WRN: variants seen among roughly 807,000 people sequenced by gnomAD.
WRN encodes WRN RecQ like helicase, also known as bifunctional 3'-5' exonuclease/ATP-dependent helicase WRN.
A neutral mutation model predicts 180.7 loss-of-function variants in WRN; 149 were observed. The ratio of observed to expected loss-of-function variants is 0.82; its 90% CI spans 0.72 to 0.94. The LOEUF (loss-of-function observed/expected upper bound fraction) is 0.94, where lower values mean the gene tolerates loss of function less well. WRN is among the 40% of genes least tolerant of loss of function. The pLI is 0.00. For synonymous variants in WRN, 548 were observed against 568.9 expected, an observed-to-expected ratio of 0.96 and a Z score of 0.52; for missense variants, 1,661 against 1,700.1, an observed-to-expected ratio of 0.98 and a Z score of 0.40.
rs1294330558 is a variant in WRN at position 31,081,281 on chromosome 8, T to C, written c.1254T>C (p.Ala418=). 7 of 1,613,492 alleles carry C rather than the reference T, an allele frequency of 4.3e-6. No individual in the cohort carries two copies. The highest frequency in any genetic ancestry group is 5.1e-6 in the Non-Finnish European group (6 of 1,179,598). Residue 418 remains alanine, a synonymous_variant, in exon 9 of 35, where the codon GCT becomes GCC. Transcript: ENST00000298139. ...QSQEEYLSDI[A]YKSTEHLSPN... The stretch of plus-strand genomic sequence containing the variant: ...AGGAAGAATATCTTAGTGATATTGC[T>C]TATAAATCTACTGAGGTACTAAATA...
At chr8:31,045,127 A>G (rs986595385) in intron 1 of WRN, among the ~76,000 whole-genome samples, 24 of 152,164 alleles carry the variant, frequency 1.6e-4, no homozygotes, top group African/African-American at 5.1e-4. Flanking sequence ...GTTTTTTCTC[A>G]AAGATAAGAA....
At chr8:31,156,065 G>C (rs1447150961) in intron 32 of WRN, among the ~76,000 whole-genome samples, 1 of 152,140 alleles carries the variant, frequency 6.6e-6, no homozygotes, top group African/African-American at 2.4e-5. Context: ...GGAATTTTAA[G>C]TTCAGTTTCT....
intron 24 of WRN, among the ~76,000 whole-genome samples, chr8:31,134,933 A>G (rs969539038): frequency 6.6e-6 from 1 of 152,162 alleles, no homozygotes; most frequent in East Asian, 1.9e-4. Context: ...ATAGTTCACA[A>G]TGACTTTCTG....
intron 1 of WRN, among the ~76,000 whole-genome samples, chr8:31,047,644 C>T (rs764724650): frequency 6.6e-6 from 1 of 152,142 alleles, no homozygotes; most frequent in Non-Finnish European, 1.5e-5. Context: ...CATCCACTTA[C>T]TGATGAATCC....
chr8:31,081,437 G>C (rs1186848019), intron 9 of WRN, 141 bp downstream of exon 9: 2 of 872,656 alleles, frequency 2.3e-6, no homozygotes, highest in East Asian at 5.3e-5. Context: ...TGTTATTGTA[G>C]TGTGAAAGCA....
chr8:31,053,038 A>G (rs1468332632), intron 1 of WRN, among the ~76,000 whole-genome samples: 1 of 152,182 alleles, frequency 6.6e-6, no homozygotes, highest in Non-Finnish European at 1.5e-5. Flanking sequence ...ACACTAATCC[A>G]GAAGATTATT....
At chr8:31,172,939 A>G (rs1391467289) in intron 34 of WRN, 56 bp from the exon 35 acceptor site, 4 of 1,548,664 alleles carry the variant, frequency 2.6e-6, no homozygotes, top group South Asian at 2.3e-5. Context: ...TTTGCAACTA[A>G]TACCCCTTCT....
At chr8:31,042,286 C>CATATA (rs1185416201) in intron 1 of WRN, among the ~76,000 whole-genome samples, 1 of 152,142 alleles carries the variant, frequency 6.6e-6, no homozygotes, top group African/African-American at 2.4e-5. Flanking sequence ...GGCACTATCT[C>CATATA]CCTTGGATAT....
intron 33 of WRN, among the ~76,000 whole-genome samples, chr8:31,163,238 T>G (rs1280622789): frequency 2.6e-5 from 4 of 152,234 alleles, no homozygotes; most frequent in African/African-American, 4.8e-5. Context: ...TCATATTATA[T>G]TATTCAGCCA....
At chr8:31,122,474 A>G (rs558856018) in intron 21 of WRN, among the ~76,000 whole-genome samples, 77 of 152,132 alleles carry the variant, frequency 5.1e-4, no homozygotes, top group Non-Finnish European at 8.2e-4. Context: ...TTTTAATTGC[A>G]GAATTCATAC....
In WRN at chr8:31,081,952, G is replaced by C. The variant is rs527727774; in HGVS notation, c.1269+656G>C. 7.2e-5 allele frequency among the ~76,000 whole-genome samples: 11 copies of C among 152,076 alleles called. No homozygotes were observed. In the South Asian group the frequency reaches 8.3e-4, roughly 11 times the overall value. ...ATTTTTGTATTTTTTGTAGAGATGG[G>C]GTTTCGCTCTGTTGCCCAGACTGGT... is the stretch of plus-strand genomic sequence containing the variant. On this transcript the variant is annotated intron_variant, in intron 9 of 34. Transcript: ENST00000298139.
At chr8:31,100,524 A>T (rs1012174444) in intron 17 of WRN, among the ~76,000 whole-genome samples, 1 of 152,222 alleles carries the variant, frequency 6.6e-6, no homozygotes, top group African/African-American at 2.4e-5. Context: ...GGAGAAATGC[A>T]GGTGGATAGT....
At chr8:31,123,169 C>T (rs73583743) in intron 21 of WRN, among the ~76,000 whole-genome samples, 2,525 of 152,044 alleles carry the variant, frequency 0.017, 71 homozygotes, top group African/African-American at 0.058. Context: ...TCCCTTTGTC[C>T]GGTGCATTCA....
chr8:31,137,534 A>G (rs960819890), intron 24 of WRN, among the ~76,000 whole-genome samples: 1 of 152,164 alleles, frequency 6.6e-6, no homozygotes, highest in African/African-American at 2.4e-5. Context: ...CTCTTAGATT[A>G]AGAAATTCAG....
Position 31,147,483 on chromosome 8 carries a change from T to C in WRN, c.3572+7T>C. 1 of 1,566,538 alleles carries C rather than the reference T, an allele frequency of 6.4e-7. No individual in the cohort carries two copies. Among genetic ancestry groups the C allele is most frequent in the Non-Finnish European group, 8.6e-7 (1 of 1,161,920 alleles). ...TGGATATGGCCAAAATGAGGTAAAC[T>C]ATCTTTTGCATGTGTTCTATTTATT... On this transcript the variant is annotated splice_region_variant and intron_variant, in intron 30 of 34. Transcript: ENST00000298139.
At chr8:31,091,424 C>T (rs1813743272) in intron 15 of WRN, among the ~76,000 whole-genome samples, 1 of 151,988 alleles carries the variant, frequency 6.6e-6, no homozygotes, top group Non-Finnish European at 1.5e-5. Flanking sequence ...GGCATTTGTT[C>T]ATCAACTTGA....
intron 5 of WRN, among the ~76,000 whole-genome samples, chr8:31,066,276 C>T (rs1459913309): frequency 6.6e-6 from 1 of 152,082 alleles, no homozygotes; most frequent in East Asian, 1.9e-4. Context: ...ACCTCTGCCT[C>T]CTGGGTTCAA....
intron 24 of WRN, among the ~76,000 whole-genome samples, chr8:31,141,177 A>G (rs1802610988): frequency 6.6e-6 from 1 of 152,182 alleles, no homozygotes; most frequent in Non-Finnish European, 1.5e-5. Flanking sequence ...CCAAACCTAT[A>G]CACTGGGCAA....
chr8:31,064,160 G>T, intron 3 of WRN, 129 bp from the exon 4 acceptor site: 2 of 934,682 alleles, frequency 2.1e-6, no homozygotes, highest in Non-Finnish European at 3.2e-6. Context: ...GCTGTTCATT[G>T]TCAGTTGTAT....
Sources: gnomAD v4.1 joint callset for allele counts (sites outside exome capture counted in the v4.1 genomes callset) on GRCh38, gnomAD v4.1.1 for gene constraint, MANE v1.5 for transcripts, NCBI Gene and HGNC (gene_info 2026-07-23, HGNC 2026-07-21) for gene names.